Variants in PBRM1 observed in about 807,000 individuals in gnomAD.
PBRM1 encodes protein polybromo-1.
A neutral mutation model predicts 194.5 loss-of-function variants in PBRM1; 27 were observed. The ratio of observed to expected loss-of-function variants is 0.14; its 90% CI spans 0.10 to 0.19. The LOEUF (loss-of-function observed/expected upper bound fraction) is 0.19. Ranked by LOEUF, PBRM1 falls within the 10% of genes least tolerant of loss-of-function variation. The pLI is 1.00. For missense variants in PBRM1, 1,466 were observed against 2,077.2 expected (o/e 0.71, Z 5.72); for synonymous variants, 655 against 693.2 (o/e 0.94, Z 0.87).
At chr3:52,550,111 G>A (rs898602150) in intron 29 of PBRM1, among the ~76,000 whole-genome samples, 7 of 151,752 alleles carry the variant, frequency 4.6e-5, no homozygotes, top group Non-Finnish European at 1.0e-4. Context: ...CCAGCTACTG[G>A]GGAGGCTGAG....
chr3:52,672,212 A>G (rs2096963702), intron 2 of PBRM1, among the ~76,000 whole-genome samples: 1 of 152,196 alleles, frequency 6.6e-6, no homozygotes, highest in Admixed American at 6.5e-5. Context: ...CTTCAAAGCC[A>G]GCACTACAGC....
intron 4 of PBRM1, among the ~76,000 whole-genome samples, chr3:52,658,770 A>G (rs112063024): frequency 4.6e-5 from 7 of 152,216 alleles, no homozygotes; most frequent in Non-Finnish European, 7.3e-5. Flanking sequence ...TGCTGGACAT[A>G]GGCATTGTAT....
intron 17 of PBRM1, among the ~76,000 whole-genome samples, chr3:52,596,168 G>A (rs576543163): frequency 2.6e-4 from 39 of 151,958 alleles, no homozygotes; most frequent in African/African-American, 9.2e-4. Flanking sequence ...GGCTGGGCGC[G>A]GTGGCTCACG....
intron 2 of PBRM1, among the ~76,000 whole-genome samples, chr3:52,674,690 C>T (rs2097056573): frequency 6.8e-6 from 1 of 146,710 alleles, no homozygotes. Context: ...ACATATATCT[C>T]CTTACCTAAC....
intron 15 of PBRM1, among the ~76,000 whole-genome samples, chr3:52,614,569 C>G (rs888273409): frequency 1.3e-5 from 2 of 149,838 alleles, no homozygotes; most frequent in Non-Finnish European, 3.0e-5. Flanking sequence ...CCTTTTTCTT[C>G]CCTTTTTTTT....
In PBRM1 at chr3:52,609,180, G is replaced by C; in HGVS notation, c.2567+133C>G. ...ACTCTTAAGAAGTTCTGGCTGATTAGAATTCAGAATAGCATGCTACCAACT... is the reference window on the plus strand; with the variant it reads ...ACTCTTAAGAAGTTCTGGCTGATTACAATTCAGAATAGCATGCTACCAACT... On this transcript the variant is annotated intron_variant, in intron 16 of 29. Transcript: ENST00000296302. The surrounding 1 kb of genome is among the most constrained non-coding windows in gnomAD (Gnocchi z 4.1). 1.4e-6 allele frequency: 1 copy of C among 713,662 alleles called. No individual in the cohort carries two copies. Among genetic ancestry groups the C allele is most frequent in the Non-Finnish European group, 2.3e-6 (1 of 435,366 alleles). 44.2% of individuals were successfully genotyped at this position (713,662 alleles called of 1,614,324 possible).
At chr3:52,582,815 G>A (rs1268080717) in intron 20 of PBRM1, among the ~76,000 whole-genome samples, 7 of 151,798 alleles carry the variant, frequency 4.6e-5, no homozygotes, top group South Asian at 2.1e-4. Flanking sequence ...CAAAGACACC[G>A]GGCCGGGCAC....
At chr3:52,665,261 C>G (rs531616279) in intron 3 of PBRM1, among the ~76,000 whole-genome samples, 1 of 152,188 alleles carries the variant, frequency 6.6e-6, no homozygotes, top group Admixed American at 6.6e-5. Flanking sequence ...CTCAAATGAT[C>G]CTTCCACCTC....
At chr3:52,566,102 T>C (rs145863097) in intron 22 of PBRM1, among the ~76,000 whole-genome samples, 3 of 151,550 alleles carry the variant, frequency 2.0e-5, no homozygotes, top group African/African-American at 7.3e-5. Flanking sequence ...GCATTCATCA[T>C]CAGGAAAATC....
chr3:52,551,689 C>A (rs968966033), intron 27 of PBRM1, among the ~76,000 whole-genome samples: 4 of 152,148 alleles, frequency 2.6e-5, no homozygotes, highest in African/African-American at 9.7e-5. Context: ...TCATTAAAAT[C>A]AAATAAACCT....
chr3:52,591,036 T>C (rs775416373), intron 17 of PBRM1, among the ~76,000 whole-genome samples: 14 of 152,216 alleles, frequency 9.2e-5, no homozygotes, highest in African/African-American at 3.4e-4. Context: ...TGAATGACAA[T>C]GCGTTCCTGA....
intron 17 of PBRM1, among the ~76,000 whole-genome samples, chr3:52,598,341 T>C (rs62253703): frequency 0.34 from 52,085 of 152,070 alleles, 9,937 homozygotes; most frequent in Admixed American, 0.46. Flanking sequence ...ACAATAATTA[T>C]CCATTTCTCC....
At chr3:52,681,176 T>C (rs1410415206), upstream of PBRM1, 1 of 151,538 alleles carries the variant, frequency 6.6e-6, no homozygotes, top group Non-Finnish European at 1.5e-5. Context: ...GCTGAATGAT[T>C]AGAACAGGAG....
chr3:52,596,255 T>G (rs1408981260), intron 17 of PBRM1, among the ~76,000 whole-genome samples: 1 of 151,468 alleles, frequency 6.6e-6, no homozygotes, highest in Non-Finnish European at 1.5e-5. Flanking sequence ...CTGGCCAACA[T>G]GGTGAAACCC....
Position 52,658,324 on chromosome 3 carries a change from G to A in PBRM1, c.529-9C>T. ...AAGTAAGCTGGAGAAGACTGGTAATGTGGAGAAAAAAGTACTTTCTAAGAG... is the reference window on the plus strand; with the variant it reads ...AAGTAAGCTGGAGAAGACTGGTAATATGGAGAAAAAAGTACTTTCTAAGAG... On this transcript the variant is annotated splice_polypyrimidine_tract_variant and intron_variant, in intron 4 of 29. Coordinates refer to ENST00000296302, the Ensembl canonical transcript of PBRM1. 1 of 1,474,408 alleles carries A rather than the reference G, an allele frequency of 6.8e-7. No homozygotes were observed. Among genetic ancestry groups the A allele is most frequent in the Non-Finnish European group, 9.5e-7 (1 of 1,055,468 alleles). The allele number at this position is 1,474,408 out of a possible 1,614,324, so 91.3% of individuals were successfully genotyped here. A position where few individuals can be genotyped will look rare whatever the true frequency, so the allele number is the denominator to read the frequency against.
intron 10 of PBRM1, among the ~76,000 whole-genome samples, chr3:52,635,381 C>G (rs2095769990): frequency 2.0e-5 from 3 of 152,096 alleles, no homozygotes. Context: ...GCGTGGCCAA[C>G]ATGGTGAAAC....
At chr3:52,624,729 C>A (rs1390002451) in intron 13 of PBRM1, among the ~76,000 whole-genome samples, 168 bp downstream of exon 15, 4 of 152,212 alleles carry the variant, frequency 2.6e-5, no homozygotes, top group Non-Finnish European at 5.9e-5. Flanking sequence ...ATTTTGCTAA[C>A]AAGATTTTTT....
At chr3:52,547,852 AT>A, downstream of PBRM1, 3 of 455,258 alleles carry the variant, frequency 6.6e-6, no homozygotes, top group South Asian at 6.8e-5. Flanking sequence ...ATGCAAAAAA[AT>A]CTTTGTGTAT....
chr3:52,562,422 T>G (rs1207015704), intron 24 of PBRM1, among the ~76,000 whole-genome samples: 1 of 152,106 alleles, frequency 6.6e-6, no homozygotes, highest in African/African-American at 2.4e-5. Context: ...GCTATTTTCT[T>G]GGTCAAAACA....
Sources: allele counts gnomAD v4.1 joint callset (sites outside exome capture counted in the v4.1 genomes callset), GRCh38; gene constraint gnomAD v4.1.1; non-coding constraint Gnocchi (gnomAD v3.1); transcripts MANE v1.5; gene names NCBI Gene and HGNC (gene_info 2026-07-23, HGNC 2026-07-21).